KCNA4: variants seen among roughly 807,000 people sequenced by gnomAD.
KCNA4 encodes the protein potassium voltage-gated channel subfamily A member 4, also known as cardiac potassium channel.
Under a neutral mutation model 37.2 loss-of-function variants are expected in KCNA4, and 5 were observed. That is an observed-to-expected ratio of 0.13 (90% CI 0.07 to 0.28). KCNA4 has a LOEUF of 0.28. Ranked by LOEUF, KCNA4 falls within the 10% of genes least tolerant of loss-of-function variation. The pLI is 1.00. For synonymous variants in KCNA4, 350 were observed against 311.8 expected (o/e 1.12, Z -1.29); for missense variants, 634 against 817.4 (o/e 0.78, Z 2.74).
In KCNA4 at chr11:30,012,710, T is replaced by G; in HGVS notation, c.-32A>C. The G allele has an allele frequency of 6.6e-7, 1 of 1,513,388 alleles. No individual in the cohort carries two copies. Among genetic ancestry groups the G allele is most frequent in the Non-Finnish European group, 8.8e-7 (1 of 1,130,654 alleles). The allele number at this position is 1,513,388 out of a possible 1,614,324, so 93.7% of individuals were successfully genotyped here. A position where few individuals can be genotyped will look rare whatever the true frequency, so the allele number is the denominator to read the frequency against. On this transcript the variant is annotated 5_prime_UTR_variant, in exon 2 of 2. Transcript: ENST00000328224. ...GGTTTTCGGAAATGGCTGGTTCCAG[T>G]TGTAGAAGAAGAAGAAAGAAAAATA...
Position 30,013,119 on chromosome 11 carries a change from T to G in KCNA4, c.-441A>C. The G allele has an allele frequency of 5.9e-6, 1 of 170,752 alleles. No homozygotes were observed. The highest frequency in any genetic ancestry group is 1.4e-5 in the Non-Finnish European group (1 of 70,804). 10.6% of individuals were successfully genotyped at this position (170,752 alleles called of 1,614,324 possible). ...TTTTTCTGCCATGGAAATTGGCCAA[T>G]GCTCAGTCCATTAAATGTAAATAAA... On this transcript the variant is annotated 5_prime_UTR_variant, in exon 2 of 2. Coordinates refer to ENST00000328224, the MANE Select transcript of KCNA4 (RefSeq NM_002233.4).
At chr11:30,013,811 G>T (rs550816738) in intron 1 of KCNA4, among the ~76,000 whole-genome samples, 1 of 152,176 alleles carries the variant, frequency 6.6e-6, no homozygotes, top group East Asian at 1.9e-4. Context: ...AAATAATGCT[G>T]TGACTTTACA....
At position 30,011,736 on chromosome 11, in the gene KCNA4, G is replaced by A; in HGVS notation, c.943C>T (p.Leu315=). Reference sequence around the variant, plus strand: ...ATGACAATGGAGATTAAGATGACCAGGACGGACACAATGGCTATGCCCCTT... The same window carrying A: ...ATGACAATGGAGATTAAGATGACCAAGACGGACACAATGGCTATGCCCCTT... ...PARGIAIVSV[L]VILISIVIFC... The change falls in exon 2 of 2, where the codon CTG becomes TTG. Residue 315 remains leucine, a synonymous_variant. Transcript: ENST00000328224. The surrounding 1 kb of genome is among the most constrained non-coding windows in gnomAD (Gnocchi z 5.6). 6.2e-7 allele frequency: 1 copy of A among 1,614,100 alleles called. No homozygotes were observed. Among genetic ancestry groups the A allele is most frequent in the Admixed American group, 1.7e-5 (1 of 60,020 alleles).
chr11:30,012,636 T>C lies in KCNA4; in HGVS notation c.43A>G (p.Ser15Gly), dbSNP rs745396358. 5 of 1,593,470 alleles carry C rather than the reference T, an allele frequency of 3.1e-6. No homozygotes were observed. Among genetic ancestry groups the C allele is most frequent in the Non-Finnish European group, 4.3e-6 (5 of 1,168,162 alleles). The change falls in exon 2 of 2, where the codon AGT (serine) becomes GGT (glycine). Residue 15 changes from serine (S) to glycine (G), a missense_variant. By Grantham distance (56) the Ser-to-Gly change is moderately conservative (BLOSUM62 0). Around this residue, in one of 8 missense-constraint regions of KCNA4, gnomAD observed 236 missense variants for 229.5 expected, o/e 1.03. Coordinates refer to ENST00000328224, the MANE Select transcript of KCNA4 (RefSeq NM_002233.4). ...GCAGCATAACCATAAGGCATGTGACTGTTGCACCCTGAGCTCTCCGCACTC... is the reference window on the plus strand; with the variant it reads ...GCAGCATAACCATAAGGCATGTGACCGTTGCACCCTGAGCTCTCCGCACTC... ...MVSAESSGCN[S>G]HMPYGYAAQA...
chr11:30,014,671 C>T (rs1850335787), intron 1 of KCNA4, among the ~76,000 whole-genome samples: 1 of 152,058 alleles, frequency 6.6e-6, no homozygotes, highest in African/African-American at 2.4e-5. Context: ...CCTGTTATTC[C>T]TGGCCCTTCT....
At position 30,011,619 on chromosome 11, in the gene KCNA4, TATC is replaced by T. The variant is rs1850304253; in HGVS notation, c.1057_1059del (p.Asp353del). ...GAGTTCTCCAGATGGGGTGCTGAAGTATCATTCAACAACCCACCATGCCCGCCA... is the reference window on the plus strand; with the variant it reads ...GAGTTCTCCAGATGGGGTGCTGAAGTATTCAACAACCCACCATGCCCGCCA... On this transcript the variant is annotated inframe_deletion, in exon 2 of 2. Coordinates refer to ENST00000328224, the MANE Select transcript of KCNA4 (RefSeq NM_002233.4). The surrounding 1 kb of genome is among the most constrained non-coding windows in gnomAD (Gnocchi z 5.6). The T allele has an allele frequency of 3.7e-6, 6 of 1,614,020 alleles. No individual in the cohort carries two copies. The highest frequency in any genetic ancestry group is 5.1e-6 in the Non-Finnish European group (6 of 1,180,004).
intron 1 of KCNA4, among the ~76,000 whole-genome samples, chr11:30,015,842 T>G (rs1267346941): frequency 6.6e-6 from 1 of 152,098 alleles, no homozygotes; most frequent in East Asian, 1.9e-4. Flanking sequence ...ACCATTAAAC[T>G]AATAGGATTT....
chr11:30,010,948 T>C lies in KCNA4; in HGVS notation c.1731A>G (p.Thr577=), dbSNP rs765857391. Reference sequence around the variant, plus strand: ...AACTGACTGCATTCTGCGTTAGCTGTGTCTGTTCCTCATTTTCAGTCTCTC... The same window carrying C: ...AACTGACTGCATTCTGCGTTAGCTGCGTCTGTTCCTCATTTTCAGTCTCTC... ...YHRETENEEQ[T]QLTQNAVSCP... Residue 577 remains threonine (T), a synonymous_variant, in exon 2 of 2, where the codon ACA becomes ACG. Coordinates refer to ENST00000328224, the MANE Select transcript of KCNA4 (RefSeq NM_002233.4). The C allele has an allele frequency of 6.2e-7, 1 of 1,614,222 alleles. No homozygotes were observed.
Position 30,012,277 on chromosome 11 carries a change from C to T in KCNA4, c.402G>A (p.Glu134=), listed in dbSNP as rs1467341388. 6.2e-7 allele frequency: 1 copy of T among 1,614,042 alleles called. No homozygotes were observed. ...TATAGTAAAACCTTCCCTCCTCTTC[C>T]TCCTCTTCCTCCTCCTCCTCATCTT... ...EEEDEEEEEE[E]EEEGRFYYSE... is the part of the protein sequence containing the mutation. Residue 134 remains glutamate (E), a synonymous_variant, in exon 2 of 2, where the codon GAG becomes GAA. Transcript: ENST00000328224.
At chr11:30,016,534 C>CAAAAAAAAA (rs139673634) in intron 1 of KCNA4, 38 bp downstream of exon 1, 3 of 62,324 alleles carry the variant, frequency 4.8e-5, no homozygotes, top group African/African-American at 6.7e-5. Flanking sequence ...AGGAAAGATA[C>CAAAAAAAAA]AAAAAAAAAA....
rs1443982281 is a variant in KCNA4 at position 30,016,600 on chromosome 11, T to G, written c.-811A>C. 1 of 75,266 alleles carries G rather than the reference T, an allele frequency of 1.3e-5. No homozygotes were observed. Among genetic ancestry groups the G allele is most frequent in the Non-Finnish European group, 2.4e-5 (1 of 40,872 alleles). 4.7% of individuals were successfully genotyped at this position (75,266 alleles called of 1,614,324 possible). ...TCCCCGGCGGGGCGAAAAATAAAAA[T>G]AAAGAAAATCCACCGGCTGGCTTGT... On this transcript the variant is annotated 5_prime_UTR_variant, in exon 1 of 2. Coordinates refer to ENST00000328224, the MANE Select transcript of KCNA4 (RefSeq NM_002233.4).
Position 30,012,668 on chromosome 11 carries a change from GCAACCTCCA to G in KCNA4, c.2_10del (p.MetGluValAla1_?4). ...CCCTGAGCTCTCCGCACTCACCATT[GCAACCTCCA>G]TGGTGGTGGTTTTCGGAAATGGCTG... is the stretch of plus-strand genomic sequence containing the variant. On this transcript the variant is annotated start_lost and inframe_deletion, in exon 2 of 2. Transcript: ENST00000328224. The G allele has an allele frequency of 6.5e-7, 1 of 1,546,240 alleles. No individual in the cohort carries two copies. The highest frequency in any genetic ancestry group is 8.7e-7 in the Non-Finnish European group (1 of 1,144,608).
In KCNA4 at chr11:30,010,871, G is replaced by A. The variant is rs749952273; in HGVS notation, c.1808C>T (p.Ser603Phe). Residue 603 changes from serine to phenylalanine, a missense_variant, in exon 2 of 2, where the codon TCT becomes TTT. By Grantham distance (155) the Ser-to-Phe change is radical (BLOSUM62 -2). Around this residue, in one of 8 missense-constraint regions of KCNA4, gnomAD observed 91 missense variants for 95.8 expected, o/e 0.95. Coordinates refer to ENST00000328224, the MANE Select transcript of KCNA4 (RefSeq NM_002233.4). The part of the protein sequence containing the change: ...LLKKFRSSTS[S>F]SLGDKSEYLE... ...ATACTCTGACTTGTCCCCCAGGGAA[G>A]AAGAAGTAGAGCTCCGAAATTTCTT... 3 of 1,614,200 alleles carry A rather than the reference G, an allele frequency of 1.9e-6. No homozygotes were observed. The highest frequency in any genetic ancestry group is 1.6e-4 in the Middle Eastern group (1 of 6,062).
In KCNA4 at chr11:30,011,422, C is replaced by T; in HGVS notation, c.1257G>A (p.Leu419=). 6.2e-7 allele frequency: 1 copy of T among 1,614,072 alleles called. No individual in the cohort carries two copies. The highest frequency in any genetic ancestry group is 8.5e-7 in the Non-Finnish European group (1 of 1,180,020). ...IVSILPYFIT[L]GTDLAQQQGG... ...CCTGTTGCTGGGCCAGGTCAGTGCC[C>T]AGTGTGATGAAGTAAGGCAAAATGG... Residue 419 remains leucine (L), a synonymous_variant, in exon 2 of 2, where the codon CTG becomes CTA. Transcript: ENST00000328224. This position sits in a 1 kb window ranked among gnomAD's most constrained non-coding sequence, Gnocchi z 5.6.
chr11:30,013,595 A>C (rs866546015), intron 1 of KCNA4, 135 bp from the exon 2 acceptor site: 2 of 152,372 alleles, frequency 1.3e-5, no homozygotes, highest in African/African-American at 2.4e-5. Context: ...CCAAGCACCA[A>C]TATTTTCAAG....
chr11:30,014,515 C>A (rs951274116), intron 1 of KCNA4, among the ~76,000 whole-genome samples: 1 of 152,170 alleles, frequency 6.6e-6, no homozygotes, highest in South Asian at 2.1e-4. Context: ...TCATTCTTAG[C>A]CTATCATACT....
In KCNA4 at chr11:30,010,751, C is replaced by T; in HGVS notation, c.1928G>A (p.Cys643Tyr). 6.2e-7 allele frequency: 1 copy of T among 1,612,622 alleles called. No homozygotes were observed. Among genetic ancestry groups the T allele is most frequent in the Non-Finnish European group, 8.5e-7 (1 of 1,179,330 alleles). Residue 643 changes from cysteine (C) to tyrosine (Y), a missense_variant, in exon 2 of 2, where the codon TGT (cysteine) becomes TAT (tyrosine). Around this residue, in one of 8 missense-constraint regions of KCNA4, gnomAD observed 91 missense variants for 95.8 expected, o/e 0.95. Coordinates refer to ENST00000328224, the MANE Select transcript of KCNA4 (RefSeq NM_002233.4). Reference protein sequence around the residue: ...GDDSETDKNNCSNAKAVETDV With the variant: ...GDDSETDKNNYSNAKAVETDV The stretch of plus-strand genomic sequence containing the variant: ...AGTCTCCACAGCCTTTGCATTAGAA[C>T]AGTTGTTTTTATCTGTCTCACTGTC...
rs564416223 is a variant in KCNA4 at position 30,010,689 on chromosome 11, G to A, written c.*28C>T. On this transcript the variant is annotated 3_prime_UTR_variant, in exon 2 of 2. Coordinates refer to ENST00000328224, the MANE Select transcript of KCNA4 (RefSeq NM_002233.4). ...CATAAATATATTTGGAGATGCTGAGGGGGGAGCAGTGGCAGGTGGAAAAAG... is the reference window on the plus strand; with the variant it reads ...CATAAATATATTTGGAGATGCTGAGAGGGGAGCAGTGGCAGGTGGAAAAAG... The A allele has an allele frequency of 1.3e-5, 21 of 1,566,914 alleles. 1 individual carries two copies. The South Asian group carries it at 2.2e-4, about 17-fold the overall frequency.
rs1333425511 is a variant in KCNA4, at chr11:30,013,220, T to G, written c.-542A>C. On this transcript the variant is annotated 5_prime_UTR_variant, in exon 2 of 2. Transcript: ENST00000328224. ...CCATGTTAAGATGTGGTTTGAAGTA[T>G]GTCCAGCCATTTCTACTCAAAGTCT... The G allele has an allele frequency of 6.0e-6, 1 of 167,206 alleles. No individual in the cohort carries two copies. The highest frequency in any genetic ancestry group is 1.5e-5 in the Non-Finnish European group (1 of 68,206). The allele number at this position is 167,206 out of a possible 1,614,324, so 10.4% of individuals were successfully genotyped here. A position where few individuals can be genotyped will look rare whatever the true frequency, so the allele number is the denominator to read the frequency against.
Sources: allele counts gnomAD v4.1 joint callset (sites outside exome capture counted in the v4.1 genomes callset), GRCh38; gene constraint gnomAD v4.1.1; regional missense constraint gnomAD v4.1.1; non-coding constraint Gnocchi (gnomAD v3.1); transcripts MANE v1.5; gene names NCBI Gene and HGNC (gene_info 2026-07-23, HGNC 2026-07-21).